Variants in SORCS3 observed in about 807,000 individuals in gnomAD.
The protein encoded by SORCS3 is VPS10 domain-containing receptor SorCS3.
Under a neutral mutation model 146.3 loss-of-function variants are expected in SORCS3, and 57 were observed. The ratio of observed to expected loss-of-function variants is 0.39; its 90% CI spans 0.31 to 0.49. SORCS3 has a LOEUF of 0.49. Among genes scored for constraint, SORCS3 ranks in the 20% least tolerant of loss-of-function variants. The probability of loss-of-function intolerance (pLI) is 0.92; values close to 1 mark genes in which losing one functional copy is unlikely to be tolerated. For missense variants in SORCS3, 1,341 were observed against 1,575.5 expected (o/e 0.85, Z 2.52); for synonymous variants, 653 against 618.5 (o/e 1.06, Z -0.83).
intron 1 of SORCS3, among the ~76,000 whole-genome samples, chr10:104,795,228 G>C (rs1182844532): frequency 1.3e-5 from 2 of 152,100 alleles, no homozygotes; most frequent in Non-Finnish European, 2.9e-5. Context: ...GTCATCAGAT[G>C]GTTCCTCCTA....
chr10:104,730,480 G>T (rs2016693137), intron 1 of SORCS3, among the ~76,000 whole-genome samples: 1 of 152,192 alleles, frequency 6.6e-6, no homozygotes, highest in Non-Finnish European at 1.5e-5. Context: ...AGCTGTCAGT[G>T]TAAGTCCTAT....
chr10:105,149,003 A>G (rs1320058951), intron 9 of SORCS3, among the ~76,000 whole-genome samples: 1 of 152,060 alleles, frequency 6.6e-6, no homozygotes. Context: ...GATGGTTTTA[A>G]AGTGTGGAAC....
At chr10:104,953,171 C>T (rs1411616276) in intron 3 of SORCS3, among the ~76,000 whole-genome samples, 1 of 152,192 alleles carries the variant, frequency 6.6e-6, no homozygotes, top group African/African-American at 2.4e-5. Context: ...GCCTCAATGC[C>T]ACATAGTTTT....
At chr10:104,807,636 T>A (rs997835133) in intron 1 of SORCS3, among the ~76,000 whole-genome samples, 5 of 152,184 alleles carry the variant, frequency 3.3e-5, no homozygotes, top group African/African-American at 1.2e-4. Context: ...AAGTGCTTTC[T>A]TCACCTCTTT....
rs541201085 is a variant in SORCS3, at chr10:104,670,935, GAAATT to G, written c.627+28982_627+28986del. Among the ~76,000 whole-genome samples, 242 of 152,080 alleles carry G rather than the reference GAAATT, an allele frequency of 1.6e-3. 1 individual carries two copies. Among genetic ancestry groups the G allele is most frequent in the Non-Finnish European group, 7.4e-4 (50 of 67,972 alleles). On this transcript the variant is annotated intron_variant, in intron 1 of 26. Coordinates refer to ENST00000369701, the MANE Select transcript of SORCS3 (RefSeq NM_014978.3). ...TATTATTTTTACTGCTATTATAAAT[GAAATT>G]GTTTTCATAATTTTCTTTTCCAATT...
intron 3 of SORCS3, among the ~76,000 whole-genome samples, chr10:104,952,825 G>T (rs2019446943): frequency 6.6e-6 from 1 of 152,124 alleles, no homozygotes; most frequent in Non-Finnish European, 1.5e-5. Context: ...AACAGGAATG[G>T]GAATTGTTGC....
At chr10:105,148,950 C>A (rs1195931095) in intron 9 of SORCS3, among the ~76,000 whole-genome samples, 1 of 152,092 alleles carries the variant, frequency 6.6e-6, no homozygotes, top group Non-Finnish European at 1.5e-5. Flanking sequence ...GGGTAGTTTT[C>A]ACATACTGTT....
chr10:104,923,870 T>C (rs1392776564), intron 3 of SORCS3, among the ~76,000 whole-genome samples: 1 of 152,220 alleles, frequency 6.6e-6, no homozygotes, highest in East Asian at 1.9e-4. Context: ...GTGTCTATGA[T>C]AATAATGACA....
chr10:104,821,092 A>G (rs149319951), intron 1 of SORCS3, among the ~76,000 whole-genome samples: 126 of 152,260 alleles, frequency 8.3e-4, no homozygotes, highest in African/African-American at 2.5e-3. Flanking sequence ...TAGTATTTGT[A>G]CTCCGGCTTG....
chr10:105,216,983 T>A lies in SORCS3; in HGVS notation c.2595T>A (p.Ile865=), dbSNP rs2056668890. The A allele has an allele frequency of 6.2e-7, 1 of 1,614,208 alleles. No homozygotes were observed. Among genetic ancestry groups the A allele is most frequent in the Non-Finnish European group, 8.5e-7 (1 of 1,180,028 alleles). ...TCCAGCTTGACTTTGGGGATGGGAT[T>A]GCTGTGTCCTACGCAAACTTCAGCC... ...TNIQLDFGDG[I]AVSYANFSPI... is the part of the protein sequence containing the mutation. Residue 865 remains isoleucine (I), a synonymous_variant, in exon 19 of 27, where the codon ATT becomes ATA. Coordinates refer to ENST00000369701, the MANE Select transcript of SORCS3 (RefSeq NM_014978.3).
intron 1 of SORCS3, among the ~76,000 whole-genome samples, chr10:104,659,783 G>T (rs1013333675): frequency 6.6e-6 from 1 of 152,188 alleles, no homozygotes; most frequent in Non-Finnish European, 1.5e-5. Context: ...GTAGGAAATG[G>T]TTATTGTTAG....
At chr10:104,724,606 G>C (rs1228272300) in intron 1 of SORCS3, among the ~76,000 whole-genome samples, 1 of 152,078 alleles carries the variant, frequency 6.6e-6, no homozygotes, top group Admixed American at 6.6e-5. Flanking sequence ...ATCACTTTCA[G>C]GTACACCAAT....
intron 17 of SORCS3, among the ~76,000 whole-genome samples, chr10:105,212,188 A>G (rs2056638095): frequency 6.6e-6 from 1 of 152,188 alleles, no homozygotes; most frequent in South Asian, 2.1e-4. Flanking sequence ...AAAAAATATG[A>G]TGAAAAAGAA....
At chr10:104,969,950 C>T (rs756276925) in intron 3 of SORCS3, among the ~76,000 whole-genome samples, 9 of 152,122 alleles carry the variant, frequency 5.9e-5, no homozygotes, top group Non-Finnish European at 1.2e-4. Flanking sequence ...TTGTAACTCA[C>T]GGTATATAAA....
intron 7 of SORCS3, among the ~76,000 whole-genome samples, chr10:105,123,560 T>C (rs1325414196): frequency 6.6e-6 from 1 of 152,198 alleles, no homozygotes; most frequent in Non-Finnish European, 1.5e-5. Flanking sequence ...GAAAGTTATG[T>C]TCCCTGGAGA....
intron 1 of SORCS3, among the ~76,000 whole-genome samples, chr10:104,759,275 C>T (rs1480766875): frequency 2.0e-5 from 3 of 152,162 alleles, no homozygotes; most frequent in African/African-American, 7.2e-5. Context: ...GCAACTCTGT[C>T]CACACCTTAA....
intron 20 of SORCS3, among the ~76,000 whole-genome samples, chr10:105,227,805 G>A (rs58043102): frequency 0.076 from 11,586 of 151,496 alleles, 535 homozygotes; most frequent in Middle Eastern, 0.17. Flanking sequence ...GATCTTCTTT[G>A]TATTTTTTGT....
At chr10:104,863,508 A>T (rs2018427466) in intron 2 of SORCS3, among the ~76,000 whole-genome samples, 1 of 151,570 alleles carries the variant, frequency 6.6e-6, no homozygotes, top group African/African-American at 2.4e-5. Context: ...TTTTCTACCC[A>T]CTCATCTGCT....
intron 1 of SORCS3, among the ~76,000 whole-genome samples, chr10:104,686,942 CATCT>C (rs71022743): frequency 0.41 from 61,889 of 151,450 alleles, 14,151 homozygotes; most frequent in Middle Eastern, 0.65. Flanking sequence ...TCCATCCATC[CATCT>C]ATGTATCCAT....
Sources: allele counts gnomAD v4.1 joint callset (sites outside exome capture counted in the v4.1 genomes callset), GRCh38; gene constraint gnomAD v4.1.1; transcripts MANE v1.5; gene names NCBI Gene and HGNC (gene_info 2026-07-23, HGNC 2026-07-21).